OGFOD3: variants seen among roughly 807,000 people sequenced by gnomAD.
OGFOD3 encodes the protein 2-oxoglutarate and iron-dependent oxygenase domain-containing protein 3.
A neutral mutation model predicts 39.8 loss-of-function variants in OGFOD3; 35 were observed. The ratio of observed to expected loss-of-function variants is 0.88; its 90% CI spans 0.67 to 1.17. The LOEUF is 1.17. OGFOD3 is among the 50% of genes most tolerant of loss of function. The pLI is 0.00. For missense variants in OGFOD3, 438 were observed against 454.5 expected (o/e 0.96, Z 0.33); for synonymous variants, 200 against 192.0 (o/e 1.04, Z -0.34).
At chr17:82,403,915 C>G (rs1244948756) in intron 7 of OGFOD3, 22 bp downstream of exon 7, 2 of 1,591,210 alleles carry the variant, frequency 1.3e-6, no homozygotes, top group Admixed American at 3.5e-5. Flanking sequence ...GGCACGCTCA[C>G]CCTGCCCACG....
At chr17:82,394,541 A>G in intron 8 of OGFOD3, 1 of 1,609,274 alleles carries the variant, frequency 6.2e-7, no homozygotes, top group Non-Finnish European at 8.5e-7. Flanking sequence ...AAACAAAAAC[A>G]TCCTGGGGAC....
At chr17:82,397,621 GC>G (rs1323664537) in intron 8 of OGFOD3, among the ~76,000 whole-genome samples, 1 of 152,128 alleles carries the variant, frequency 6.6e-6, no homozygotes, top group Non-Finnish European at 1.5e-5. Flanking sequence ...AGTTCAAGGA[GC>G]AGAGGATGAC....
At chr17:82,396,683 G>C (rs1180437396) in intron 8 of OGFOD3, 1 of 152,222 alleles carries the variant, frequency 6.6e-6, no homozygotes, top group Admixed American at 6.5e-5. Flanking sequence ...GGAGGCTTCA[G>C]CTGCTTGACT....
Position 82,404,802 on chromosome 17 carries a change from G to A in OGFOD3, c.545+522C>T, listed in dbSNP as rs1253653247. ...GTCACCCAGGCTGGAGTGCAGTGGT[G>A]CAATCTCAGCTCACTGCAACCTCCA... On this transcript the variant is annotated intron_variant, in intron 6 of 8. Coordinates refer to ENST00000313056, the MANE Select transcript of OGFOD3 (RefSeq NM_024648.3). This position sits in a 1 kb window ranked among gnomAD's most constrained non-coding sequence, Gnocchi z 4.5. Among the ~76,000 whole-genome samples the A allele has an allele frequency of 6.8e-6, 1 of 147,628 alleles. No individual in the cohort carries two copies. Among genetic ancestry groups the A allele is most frequent in the African/African-American group, 2.5e-5 (1 of 39,584 alleles).
At chr17:82,405,795 C>T (rs2052845883) in intron 5 of OGFOD3, among the ~76,000 whole-genome samples, 1 of 151,934 alleles carries the variant, frequency 6.6e-6, no homozygotes, top group African/African-American at 2.4e-5. Flanking sequence ...ACTAAAAATA[C>T]AAAAATTAGC....
chr17:82,415,358 A>T lies in OGFOD3; in HGVS notation c.304+40T>A. 1 of 1,581,538 alleles carries T rather than the reference A, an allele frequency of 6.3e-7. No homozygotes were observed. On this transcript the variant is annotated intron_variant, in intron 2 of 8. Transcript: ENST00000313056. This position sits in a 1 kb window ranked among gnomAD's most constrained non-coding sequence, Gnocchi z 5.3. ...TCGTCGCAGCCAATGTCCTTTAACC[A>T]CACTGAGTCTCATTTTAAAGTGTTG...
At chr17:82,396,283 A>G (rs1456093094) in intron 8 of OGFOD3, among the ~76,000 whole-genome samples, 2 of 106,242 alleles carry the variant, frequency 1.9e-5, no homozygotes, top group African/African-American at 5.8e-5. Context: ...GTAAACACAT[A>G]GATACACACA....
At chr17:82,409,497 C>A in intron 3 of OGFOD3, 87 bp from the exon 4 acceptor site, 1 of 1,199,164 alleles carries the variant, frequency 8.3e-7, no homozygotes, top group Non-Finnish European at 1.2e-6. Context: ...AAAATTAATG[C>A]AACATTAGTG....
rs899666846 is a variant in OGFOD3 at position 82,392,897 on chromosome 17, C to T, written c.824-363G>A. On this transcript the variant is annotated intron_variant, in intron 8 of 8. Transcript: ENST00000313056. The surrounding 1 kb of genome is among the most constrained non-coding windows in gnomAD (Gnocchi z 4.2). ...CTCAGCTCTCATGGGCCTTCCAGAT[C>T]TGACACTTTAGGATCTTATTTCTAA... 4.7e-6 allele frequency: 1 copy of T among 215,024 alleles called. No homozygotes were observed. Among genetic ancestry groups the T allele is most frequent in the Non-Finnish European group, 9.2e-6 (1 of 109,076 alleles). The allele number at this position is 215,024 out of a possible 1,614,324, so 13.3% of individuals were successfully genotyped here. A position where few individuals can be genotyped will look rare whatever the true frequency, so the allele number is the denominator to read the frequency against.
At chr17:82,400,331 C>T (rs950607439) in intron 7 of OGFOD3, among the ~76,000 whole-genome samples, 2 of 152,110 alleles carry the variant, frequency 1.3e-5, no homozygotes, top group African/African-American at 2.4e-5. Context: ...CAAGTCCATG[C>T]CAGGCTCTGA....
In OGFOD3 at chr17:82,415,409, C is replaced by A. The variant is rs1451615375; in HGVS notation, c.293G>T (p.Arg98Leu). 1.2e-6 allele frequency: 2 copies of A among 1,612,982 alleles called. No individual in the cohort carries two copies. The highest frequency in any genetic ancestry group is 1.7e-5 in the Admixed American group (1 of 59,932). The change falls in exon 2 of 9, where the codon CGC becomes CTC. Residue 98 changes from arginine (R) to leucine (L), a missense_variant. Coordinates refer to ENST00000313056, the MANE Select transcript of OGFOD3 (RefSeq NM_024648.3). The surrounding 1 kb of genome is among the most constrained non-coding windows in gnomAD (Gnocchi z 5.3). ...CTTTCCTGAACTACCTTCGAACCTG[C>A]GGTGACTGTCGTAGTCCTCAGAGCA... ...VPCSEDYDSH[R>L]RFEGCTPRKC...
Position 82,390,718 on chromosome 17 carries a change from G to A in OGFOD3, c.*1680C>T, listed in dbSNP as rs9891189. ...CCAAGGTGCGGCCCCCAAGTCCCCCGTACCCAGGGGTCACCATGCCTCAGC... is the reference window on the plus strand; with the variant it reads ...CCAAGGTGCGGCCCCCAAGTCCCCCATACCCAGGGGTCACCATGCCTCAGC... On this transcript the variant is annotated 3_prime_UTR_variant, in exon 9 of 9. Transcript: ENST00000313056. This position sits in a 1 kb window ranked among gnomAD's most constrained non-coding sequence, Gnocchi z 4.9. 46,954 of 191,518 alleles carry A rather than the reference G, an allele frequency of 0.25. 6,766 individuals are homozygous for A. Among genetic ancestry groups the A allele is most frequent in the South Asian group, 0.39 (6,619 of 16,880 alleles). The allele number at this position is 191,518 out of a possible 1,614,324, so 11.9% of individuals were successfully genotyped here.
chr17:82,397,259 G>A (rs1428193092), intron 8 of OGFOD3, among the ~76,000 whole-genome samples: 1 of 152,036 alleles, frequency 6.6e-6, no homozygotes, highest in African/African-American at 2.4e-5. Context: ...CCAGGCAGGA[G>A]GAACACCCGT....
At chr17:82,396,333 T>A (rs9893902) in intron 8 of OGFOD3, among the ~76,000 whole-genome samples, 1 of 96,398 alleles carries the variant, frequency 1.0e-5, no homozygotes, top group African/African-American at 3.2e-5. Flanking sequence ...GGTAAACACA[T>A]AGATACACAC....
At chr17:82,405,960 A>G (rs1044018199) in intron 5 of OGFOD3, among the ~76,000 whole-genome samples, 15 of 152,064 alleles carry the variant, frequency 9.9e-5, no homozygotes, top group African/African-American at 3.6e-4. Flanking sequence ...AATAATAATA[A>G]TAATAATAAA....
At chr17:82,403,806 C>T in intron 7 of OGFOD3, 131 bp downstream of exon 7, 1 of 1,285,474 alleles carries the variant, frequency 7.8e-7, no homozygotes, top group Middle Eastern at 2.6e-4. Flanking sequence ...CACGTACGCA[C>T]TCACCCTGCC....
In OGFOD3 at chr17:82,418,515, A is replaced by G; in HGVS notation, c.-30T>C. 2.3e-6 allele frequency: 3 copies of G among 1,294,756 alleles called. No individual in the cohort carries two copies. The highest frequency in any genetic ancestry group is 1.6e-5 in the African/African-American group (1 of 63,974). 80.2% of individuals were successfully genotyped at this position (1,294,756 alleles called of 1,614,324 possible). A position where few individuals can be genotyped will look rare whatever the true frequency, so the allele number is the denominator to read the frequency against. Reference sequence around the variant, plus strand: ...CCAGGCCGCCGCGGAGCCGGGCCGGACGCGGGCGCCAGGCCCGGGGACGAA... The same window carrying G: ...CCAGGCCGCCGCGGAGCCGGGCCGGGCGCGGGCGCCAGGCCCGGGGACGAA... On this transcript the variant is annotated 5_prime_UTR_variant, in exon 1 of 9. Coordinates refer to ENST00000313056, the MANE Select transcript of OGFOD3 (RefSeq NM_024648.3).
At chr17:82,413,627 T>C (rs1049710807) in intron 2 of OGFOD3, among the ~76,000 whole-genome samples, 1 of 152,096 alleles carries the variant, frequency 6.6e-6, no homozygotes, top group Non-Finnish European at 1.5e-5. Flanking sequence ...CCCAGGGCCT[T>C]AGGAGGCCAA....
In OGFOD3 at chr17:82,389,299, G is replaced by A. The variant is rs2143155203; in HGVS notation, c.*3099C>T. The A allele has an allele frequency of 6.6e-6, 1 of 152,262 alleles. No homozygotes were observed. Among genetic ancestry groups the A allele is most frequent in the African/African-American group, 2.4e-5 (1 of 41,554 alleles). The allele number at this position is 152,262 out of a possible 1,614,324, so 9.4% of individuals were successfully genotyped here. The stretch of plus-strand genomic sequence containing the variant: ...CTTAAAAATAGATCACTCATCAGAG[G>A]ACACACCTGAGACTCCAGTTCCTCC... On this transcript the variant is annotated 3_prime_UTR_variant, in exon 9 of 9. Transcript: ENST00000313056. This position sits in a 1 kb window ranked among gnomAD's most constrained non-coding sequence, Gnocchi z 4.6.
Sources: gnomAD v4.1 joint callset for allele counts (sites outside exome capture counted in the v4.1 genomes callset) on GRCh38, gnomAD v4.1.1 for gene constraint, Gnocchi (gnomAD v3.1) non-coding constraint, MANE v1.5 for transcripts, NCBI Gene and HGNC (gene_info 2026-07-23, HGNC 2026-07-21) for gene names.